The following CLDN11 variants were observed in gnomAD, a reference collection of about 807,000 sequenced individuals.
The protein encoded by CLDN11 is claudin 11.
CLDN11 carries 1 observed loss-of-function variant against 18.0 expected under a neutral mutation model. The ratio of observed to expected loss-of-function variants is 0.06; its 90% CI spans 0.02 to 0.26. The LOEUF (loss-of-function observed/expected upper bound fraction) is 0.26. Among genes scored for constraint, CLDN11 ranks in the 10% least tolerant of loss-of-function variants. CLDN11 has a pLI of 1.00. For missense variants in CLDN11, 172 were observed against 276.6 expected (o/e 0.62, Z 2.68); for synonymous variants, 116 against 121.5 (o/e 0.96, Z 0.30).
At chr3:170,421,254 G>A (rs1488934998) in intron 1 of CLDN11, 1 of 985,260 alleles carries the variant, frequency 1.0e-6, no homozygotes. Flanking sequence ...TTTGGTGTCC[G>A]GACATGGCCT....
intron 2 of CLDN11, among the ~76,000 whole-genome samples, chr3:170,424,950 T>C (rs1438057520): frequency 6.6e-6 from 1 of 152,110 alleles, no homozygotes; most frequent in Non-Finnish European, 1.5e-5. Flanking sequence ...TGCGCGCGTG[T>C]GTGTGTGTTA....
At chr3:170,429,331 G>T (rs1042781594) in intron 2 of CLDN11, among the ~76,000 whole-genome samples, 4 of 152,134 alleles carry the variant, frequency 2.6e-5, no homozygotes, top group African/African-American at 9.7e-5. Context: ...AGGAAGTAAA[G>T]AGCCTGCTGG....
At chr3:170,426,834 T>C (rs1165337984) in intron 2 of CLDN11, among the ~76,000 whole-genome samples, 2 of 152,160 alleles carry the variant, frequency 1.3e-5, no homozygotes, top group African/African-American at 4.8e-5. Flanking sequence ...CAGGCTAGAG[T>C]GCAGTGGCGC....
Position 170,428,227 on chromosome 3 carries a change from G to A in CLDN11, c.392-4297G>A, listed in dbSNP as rs569366420. Among the ~76,000 whole-genome samples the A allele has an allele frequency of 2.0e-5, 3 of 151,164 alleles. No individual in the cohort carries two copies. In the South Asian group the frequency reaches 6.3e-4, roughly 32 times the overall value. The stretch of plus-strand genomic sequence containing the variant: ...TCTTTCTCTGCCTCTTTGTCTGTCT[G>A]TCTGTCTCTCTTTCTCTCAGTTGTT... On this transcript the variant is annotated intron_variant, in intron 2 of 2. Coordinates refer to ENST00000064724, the MANE Select transcript of CLDN11 (RefSeq NM_005602.6).
At chr3:170,426,751 G>A (rs1448338968) in intron 2 of CLDN11, among the ~76,000 whole-genome samples, 1 of 152,120 alleles carries the variant, frequency 6.6e-6, no homozygotes, top group Non-Finnish European at 1.5e-5. Flanking sequence ...GAGAGCAGCT[G>A]GGTATTCTTC....
Position 170,419,038 on chromosome 3 carries a change from CG to C in CLDN11, c.-28del. Reference sequence around the variant, plus strand: ...CAGGCCCAGGCACAGCCGTGAGGGGCGAGGCACGGGGACATCCTGGCGGCCA... The same window carrying C: ...CAGGCCCAGGCACAGCCGTGAGGGGCAGGCACGGGGACATCCTGGCGGCCA... On this transcript the variant is annotated 5_prime_UTR_variant, in exon 1 of 3. Coordinates refer to ENST00000064724, the MANE Select transcript of CLDN11 (RefSeq NM_005602.6). The surrounding 1 kb of genome is among the most constrained non-coding windows in gnomAD (Gnocchi z 8.6). 6.7e-7 allele frequency: 1 copy of C among 1,498,154 alleles called. No homozygotes were observed. Among genetic ancestry groups the C allele is most frequent in the Non-Finnish European group, 9.1e-7 (1 of 1,100,706 alleles). The allele number at this position is 1,498,154 out of a possible 1,614,324, so 92.8% of individuals were successfully genotyped here.
At position 170,432,854 on chromosome 3, in the gene CLDN11, C is replaced by A; in HGVS notation, c.*98C>A. On this transcript the variant is annotated 3_prime_UTR_variant, in exon 3 of 3. Coordinates refer to ENST00000064724, the MANE Select transcript of CLDN11 (RefSeq NM_005602.6). ...TGGGGAAGCCCATTCCTCTGCCAGG[C>A]TCTAAAGCCAAAGGTCTAGAAAAGC... 2.6e-6 allele frequency: 3 copies of A among 1,167,364 alleles called. No homozygotes were observed. Among genetic ancestry groups the A allele is most frequent in the Non-Finnish European group, 3.8e-6 (3 of 792,488 alleles). The allele number at this position is 1,167,364 out of a possible 1,614,324, so 72.3% of individuals were successfully genotyped here.
chr3:170,420,015 G>T (rs533235401), intron 1 of CLDN11, among the ~76,000 whole-genome samples: 1 of 152,348 alleles, frequency 6.6e-6, no homozygotes, highest in South Asian at 2.1e-4. Flanking sequence ...GGATAGGGAC[G>T]AGCGGGCGCT....
intron 2 of CLDN11, among the ~76,000 whole-genome samples, chr3:170,424,548 C>T (rs1408441497): frequency 6.6e-6 from 1 of 152,082 alleles, no homozygotes; most frequent in African/African-American, 2.4e-5. Flanking sequence ...CCGTTTTTTT[C>T]CCTCAGATGC....
rs1408677819 is a variant in CLDN11 at position 170,419,846 on chromosome 3, G to T, written c.226+554G>T. ...TCCGCGCAGCCGCTGAGCAATTCAC[G>T]TCCAGGGCTCTCTGGGCTGCCTGGT... On this transcript the variant is annotated intron_variant, in intron 1 of 2. Coordinates refer to ENST00000064724, the MANE Select transcript of CLDN11 (RefSeq NM_005602.6). The surrounding 1 kb of genome is among the most constrained non-coding windows in gnomAD (Gnocchi z 8.6). Among the ~76,000 whole-genome samples the T allele has an allele frequency of 6.6e-6, 1 of 152,260 alleles. No homozygotes were observed. The highest frequency in any genetic ancestry group is 2.4e-5 in the African/African-American group (1 of 41,476).
intron 2 of CLDN11, chr3:170,423,609 A>C: frequency 2.5e-6 from 1 of 400,626 alleles, no homozygotes; most frequent in East Asian, 4.4e-5. Context: ...GAAAGATGGA[A>C]GCCTTCTCAG....
At chr3:170,423,408 T>A in intron 2 of CLDN11, 81 bp downstream of exon 2, 1 of 1,509,470 alleles carries the variant, frequency 6.6e-7, no homozygotes, top group Non-Finnish European at 9.1e-7. Flanking sequence ...CCTTCTCAAG[T>A]TCAAGAGAAA....
rs1054060356 is a variant in CLDN11 at position 170,432,812 on chromosome 3, G to A, written c.*56G>A. On this transcript the variant is annotated 3_prime_UTR_variant, in exon 3 of 3. Transcript: ENST00000064724. ...GTAGATGCTGGGCCCAGGGCCCTAG[G>A]TTTGCTCGTCACAGTGTGGGGAAGC... is the stretch of plus-strand genomic sequence containing the variant. The A allele has an allele frequency of 9.1e-6, 14 of 1,542,250 alleles. No homozygotes were observed. The Admixed American group carries it at 1.8e-4, about 20-fold the overall frequency.
Position 170,418,962 on chromosome 3 carries a change from T to G in CLDN11, c.-105T>G. 1 of 875,328 alleles carries G rather than the reference T, an allele frequency of 1.1e-6. No homozygotes were observed. The allele number at this position is 875,328 out of a possible 1,614,324, so 54.2% of individuals were successfully genotyped here. ...AGTGTCCCGCCTCGGGCCGTCGCCC[T>G]CCAGCGGCTCGCGAGCGTGGGAGAC... On this transcript the variant is annotated 5_prime_UTR_variant, in exon 1 of 3. Coordinates refer to ENST00000064724, the MANE Select transcript of CLDN11 (RefSeq NM_005602.6). This position sits in a 1 kb window ranked among gnomAD's most constrained non-coding sequence, Gnocchi z 4.3.
At position 170,419,346 on chromosome 3, in the gene CLDN11, G is replaced by C; in HGVS notation, c.226+54G>C. 7.4e-7 allele frequency: 1 copy of C among 1,355,620 alleles called. No individual in the cohort carries two copies. The highest frequency in any genetic ancestry group is 1.0e-6 in the Non-Finnish European group (1 of 981,500). The allele number at this position is 1,355,620 out of a possible 1,614,324, so 84.0% of individuals were successfully genotyped here. A position where few individuals can be genotyped will look rare whatever the true frequency, so the allele number is the denominator to read the frequency against. On this transcript the variant is annotated intron_variant, in intron 1 of 2. Transcript: ENST00000064724. This position sits in a 1 kb window ranked among gnomAD's most constrained non-coding sequence, Gnocchi z 8.6. ...CAAATCCTTATCCTCTGGGTAGAGAGCGGGATATTAGACGGCGTCACAGAG... is the reference window on the plus strand; with the variant it reads ...CAAATCCTTATCCTCTGGGTAGAGACCGGGATATTAGACGGCGTCACAGAG...
intron 1 of CLDN11, among the ~76,000 whole-genome samples, chr3:170,420,095 A>C (rs569858480): frequency 2.2e-4 from 33 of 152,354 alleles, no homozygotes; most frequent in Admixed American, 4.6e-4. Flanking sequence ...CCACCCCTCC[A>C]GCGTGTCTCA....
At position 170,433,236 on chromosome 3, in the gene CLDN11, GCTC is replaced by G. The variant is rs1739050549; in HGVS notation, c.*481_*483del. The G allele has an allele frequency of 6.9e-6, 1 of 145,380 alleles. No individual in the cohort carries two copies. The highest frequency in any genetic ancestry group is 1.5e-5 in the Non-Finnish European group (1 of 67,538). 9.0% of individuals were successfully genotyped at this position (145,380 alleles called of 1,614,324 possible). ...GGCTCATGTAGCCTCAACCTCCCCGGCTCAAGTGATCCTCCTGCCTCAGCCTCC... is the reference window on the plus strand; with the variant it reads ...GGCTCATGTAGCCTCAACCTCCCCGGAAGTGATCCTCCTGCCTCAGCCTCC... On this transcript the variant is annotated 3_prime_UTR_variant, in exon 3 of 3. Coordinates refer to ENST00000064724, the MANE Select transcript of CLDN11 (RefSeq NM_005602.6).
chr3:170,427,007 C>T (rs530623924), intron 2 of CLDN11, among the ~76,000 whole-genome samples: 1 of 152,262 alleles, frequency 6.6e-6, no homozygotes, highest in Non-Finnish European at 1.5e-5. Flanking sequence ...GTCTCGAACT[C>T]CTGAGCCGTG....
In CLDN11 at chr3:170,430,148, C is replaced by T. The variant is rs6794375; in HGVS notation, c.392-2376C>T. 2.1e-3 allele frequency among the ~76,000 whole-genome samples: 322 copies of T among 152,306 alleles called. 1 individual carries two copies. Among genetic ancestry groups the T allele is most frequent in the Non-Finnish European group, 3.0e-3 (206 of 68,018 alleles). On this transcript the variant is annotated intron_variant, in intron 2 of 2. Transcript: ENST00000064724. ...TGTGTAAGTAGATTGTGTATTGCTA[C>T]GGAAAATCTACAGTAGTTCTCTCTG...
Sources: gnomAD v4.1 joint callset for allele counts (sites outside exome capture counted in the v4.1 genomes callset) on GRCh38, gnomAD v4.1.1 for gene constraint, Gnocchi (gnomAD v3.1) non-coding constraint, MANE v1.5 for transcripts, NCBI Gene and HGNC (gene_info 2026-07-23, HGNC 2026-07-21) for gene names.